PARD3B: variants seen among roughly 807,000 people sequenced by gnomAD.
PARD3B encodes the protein partitioning defective 3 homolog B.
Under a neutral mutation model 130.2 loss-of-function variants are expected in PARD3B, and 103 were observed. That is an observed-to-expected ratio of 0.79 (90% CI 0.67 to 0.93). The LOEUF (loss-of-function observed/expected upper bound fraction) is 0.93. Ranked by LOEUF, PARD3B falls within the 40% of genes least tolerant of loss-of-function variation. PARD3B has a pLI of 0.00. For missense variants in PARD3B, 1,609 were observed against 1,499.2 expected (o/e 1.07, Z -1.21); for synonymous variants, 583 against 553.2 (o/e 1.05, Z -0.76).
chr2:204,569,725 G>C (rs543005780), intron 1 of PARD3B, among the ~76,000 whole-genome samples: 1 of 152,296 alleles, frequency 6.6e-6, no homozygotes, highest in South Asian at 2.1e-4. Context: ...TATGAATAGT[G>C]CTTTAGATTG....
chr2:205,059,262 A>G (rs1045441528), intron 4 of PARD3B, among the ~76,000 whole-genome samples: 1 of 152,002 alleles, frequency 6.6e-6, no homozygotes, highest in Non-Finnish European at 1.5e-5. Flanking sequence ...TTTATTTCTC[A>G]GTCCTTGATG....
At chr2:205,017,439 A>G (rs1696232740) in intron 3 of PARD3B, among the ~76,000 whole-genome samples, 1 of 152,170 alleles carries the variant, frequency 6.6e-6, no homozygotes, top group Admixed American at 6.5e-5. Flanking sequence ...ACATGATGGC[A>G]GATGGCAAAA....
intron 15 of PARD3B, among the ~76,000 whole-genome samples, chr2:205,217,870 AT>A (rs2038019777): frequency 2.2e-5 from 1 of 45,392 alleles, no homozygotes; most frequent in Non-Finnish European, 4.0e-5. Context: ...GTGTGTGTGT[AT>A]ATATATATAT....
At chr2:205,545,107 G>A (rs1176772115) in intron 21 of PARD3B, among the ~76,000 whole-genome samples, 2 of 152,200 alleles carry the variant, frequency 1.3e-5, no homozygotes, top group Admixed American at 6.5e-5. Context: ...ATGAGTGTGT[G>A]TTCTTTCGCC....
At chr2:204,721,276 G>A (rs2038984331) in intron 2 of PARD3B, among the ~76,000 whole-genome samples, 1 of 152,136 alleles carries the variant, frequency 6.6e-6, no homozygotes, top group African/African-American at 2.4e-5. Context: ...AGTGAAGAGA[G>A]GACAGTGGTG....
At chr2:205,548,785 T>C (rs1300935314) in intron 21 of PARD3B, among the ~76,000 whole-genome samples, 1 of 152,024 alleles carries the variant, frequency 6.6e-6, no homozygotes, top group Non-Finnish European at 1.5e-5. Flanking sequence ...TTTATTAAAA[T>C]TAAAAAATGT....
At chr2:204,651,246 A>G (rs544649217) in intron 1 of PARD3B, among the ~76,000 whole-genome samples, 8 of 152,346 alleles carry the variant, frequency 5.3e-5, no homozygotes, top group Admixed American at 3.3e-4. Flanking sequence ...CCTTCCATCT[A>G]TAAGCCTGTA....
intron 2 of PARD3B, among the ~76,000 whole-genome samples, chr2:204,726,503 C>T (rs1237644542): frequency 6.6e-6 from 1 of 152,160 alleles, no homozygotes. Context: ...ATGTTGGCGT[C>T]AAGGGTGATT....
Position 205,209,695 on chromosome 2 carries a change from T to C in PARD3B, c.2140+16375T>C, listed in dbSNP as rs78922293. On this transcript the variant is annotated intron_variant, in intron 15 of 22. Transcript: ENST00000406610. ...TCTGAATATTTTGAATGATAAAATT[T>C]GTTATTGGCAATACTTTATGAAGTG... Among the ~76,000 whole-genome samples, 430 of 152,020 alleles carry C rather than the reference T, an allele frequency of 2.8e-3. 4 individuals are homozygous for C. Among genetic ancestry groups the C allele is most frequent in the African/African-American group, 1.0e-2 (415 of 41,540 alleles).
At chr2:204,707,357 G>A (rs2038216812) in intron 2 of PARD3B, among the ~76,000 whole-genome samples, 5 of 152,194 alleles carry the variant, frequency 3.3e-5, no homozygotes, top group Admixed American at 3.3e-4. Flanking sequence ...GCAAGATATG[G>A]AGTTGCTGAT....
intron 2 of PARD3B, among the ~76,000 whole-genome samples, chr2:204,878,595 C>T (rs2125663389): frequency 6.6e-6 from 1 of 152,060 alleles, no homozygotes; most frequent in East Asian, 1.9e-4. Context: ...TATATATGCC[C>T]CTTCAAATAA....
intron 2 of PARD3B, among the ~76,000 whole-genome samples, chr2:204,730,515 T>C (rs2039459683): frequency 1.3e-5 from 2 of 151,954 alleles, no homozygotes; most frequent in Admixed American, 6.6e-5. Context: ...AGTACTTAGC[T>C]TTGTTTCTTA....
At chr2:205,349,527 C>T (rs1477959552) in intron 18 of PARD3B, among the ~76,000 whole-genome samples, 4 of 152,076 alleles carry the variant, frequency 2.6e-5, no homozygotes, top group Non-Finnish European at 4.4e-5. Context: ...ATGATGCAAA[C>T]ATCACTACAA....
chr2:205,215,783 C>G (rs1052562426), intron 15 of PARD3B, among the ~76,000 whole-genome samples: 7 of 151,808 alleles, frequency 4.6e-5, no homozygotes, highest in Admixed American at 2.0e-4. Flanking sequence ...AAAAATTATC[C>G]TACCAAAAAA....
At chr2:204,965,081 G>A (rs772067343) in intron 2 of PARD3B, 71 bp from the exon 3 acceptor site, 114 of 1,446,888 alleles carry the variant, frequency 7.9e-5, no homozygotes, top group South Asian at 4.1e-5. Flanking sequence ...TAAAGATCAC[G>A]TTCAGCTAGA....
Position 205,401,038 on chromosome 2 carries a change from G to A in PARD3B, c.2656G>A (p.Gly886Ser), listed in dbSNP as rs1409656545. ...LRFGKKKEDK[G>S]GKAEQKGTLK... ...ATTTGGAAAGAAGAAAGAGGATAAGGGTGGAAAGGCTGAGCAGAAAGGTAC... is the reference window on the plus strand; with the variant it reads ...ATTTGGAAAGAAGAAAGAGGATAAGAGTGGAAAGGCTGAGCAGAAAGGTAC... Residue 886 changes from glycine to serine, a missense_variant, in exon 19 of 23, where the codon GGT becomes AGT. Gly to Ser is a moderately conservative substitution (Grantham distance 56, BLOSUM62 0). Coordinates refer to ENST00000406610, the MANE Select transcript of PARD3B (RefSeq NM_001302769.2). 1 of 1,601,484 alleles carries A rather than the reference G, an allele frequency of 6.2e-7. No individual in the cohort carries two copies. Among genetic ancestry groups the A allele is most frequent in the East Asian group, 2.2e-5 (1 of 44,654 alleles).
At chr2:205,547,192 T>G (rs1193134601) in intron 21 of PARD3B, among the ~76,000 whole-genome samples, 1 of 152,176 alleles carries the variant, frequency 6.6e-6, no homozygotes, top group Non-Finnish European at 1.5e-5. Flanking sequence ...TTGAAAGTAT[T>G]AATCCCATTC....
chr2:204,707,341 G>A lies in PARD3B; in HGVS notation c.222+21059G>A, dbSNP rs529917284. ...ATTAGCATATGCTTTAAGATCCAAG[G>A]GTTAAGCAAGATATGGAGTTGCTGA... On this transcript the variant is annotated intron_variant, in intron 2 of 22. Coordinates refer to ENST00000406610, the MANE Select transcript of PARD3B (RefSeq NM_001302769.2). 3.9e-5 allele frequency among the ~76,000 whole-genome samples: 6 copies of A among 152,296 alleles called. No individual in the cohort carries two copies. The South Asian group carries it at 1.2e-3, about 32-fold the overall frequency.
chr2:204,957,903 T>A (rs1690404259), intron 2 of PARD3B, among the ~76,000 whole-genome samples: 1 of 152,182 alleles, frequency 6.6e-6, no homozygotes, highest in South Asian at 2.1e-4. Context: ...TTTTATAGGA[T>A]ACTGGGTTTT....
Sources: gnomAD v4.1 joint callset for allele counts (sites outside exome capture counted in the v4.1 genomes callset) on GRCh38, gnomAD v4.1.1 for gene constraint, MANE v1.5 for transcripts, NCBI Gene and HGNC (gene_info 2026-07-23, HGNC 2026-07-21) for gene names.